PUDP: variants seen among roughly 807,000 people sequenced by gnomAD.
PUDP encodes pseudouridine 5'-phosphatase, also known as pseudouridine-5'-phosphatase.
Under a neutral mutation model 9.4 loss-of-function variants are expected in PUDP, and 8 were observed. The observed-to-expected ratio is 0.85, with a 90% CI of 0.50 to 1.53. The LOEUF is 1.53. Ranked by LOEUF, PUDP falls within the 40% of genes most tolerant of loss-of-function variation. The pLI is 0.00. For missense variants in PUDP, 188 were observed against 189.7 expected (o/e 0.99, Z 0.05); for synonymous variants, 99 against 80.7 (o/e 1.23, Z -1.22).
At chrX:6,791,651 G>A (rs1925751506) in intron 3 of PUDP, among the ~76,000 whole-genome samples, 1 of 111,465 alleles carries the variant, frequency 9.0e-6, no homozygotes, top group Non-Finnish European at 1.9e-5. Flanking sequence ...AAGGAATGCG[G>A]GATACTTGTA....
At chrX:7,000,712 A>T (rs1195200831) in intron 1 of PUDP, among the ~76,000 whole-genome samples, 1 of 109,177 alleles carries the variant, frequency 9.2e-6, no homozygotes, top group East Asian at 2.8e-4. Context: ...ATGAAGAAAA[A>T]GCATTTGATA....
chrX:6,733,354 G>T (rs906722040), intron 3 of PUDP, among the ~76,000 whole-genome samples: 9 of 111,769 alleles, frequency 8.1e-5, no homozygotes, highest in African/African-American at 2.9e-4. Context: ...CCAGGAATGG[G>T]AAGGAGGAGC....
intron 3 of PUDP, among the ~76,000 whole-genome samples, chrX:6,964,044 T>A (rs760479854): frequency 1.2e-4 from 13 of 112,251 alleles, no homozygotes; most frequent in Non-Finnish European, 2.1e-4. Context: ...CAGGGACTTT[T>A]TCTAGAAGCA....
At chrX:7,027,299 CAG>C (rs1177363601) in intron 1 of PUDP, among the ~76,000 whole-genome samples, 1 of 111,082 alleles carries the variant, frequency 9.0e-6, no homozygotes, top group African/African-American at 3.3e-5. Flanking sequence ...CTTCCACCTG[CAG>C]AAGTTGGCTC....
At chrX:6,938,145 AG>A (rs1315912993) in intron 3 of PUDP, among the ~76,000 whole-genome samples, 1 of 57,807 alleles carries the variant, frequency 1.7e-5, no homozygotes, top group Non-Finnish European at 3.1e-5. Context: ...ATATACCCAA[AG>A]GACTATAAAT....
At chrX:6,961,305 G>A (rs753633647) in intron 3 of PUDP, among the ~76,000 whole-genome samples, 1 of 110,486 alleles carries the variant, frequency 9.1e-6, no homozygotes, top group African/African-American at 3.3e-5. Flanking sequence ...AGTATCACCT[G>A]AGCCTGGGAT....
intron 3 of PUDP, among the ~76,000 whole-genome samples, chrX:6,728,973 T>G (rs1034074313): frequency 9.0e-6 from 1 of 111,288 alleles, no homozygotes; most frequent in Admixed American, 9.6e-5. Context: ...TTTTTTAGAA[T>G]GCCCTGCAAT....
chrX:6,893,278 A>G (rs1023875051), intron 3 of PUDP, among the ~76,000 whole-genome samples: 1 of 112,036 alleles, frequency 8.9e-6, no homozygotes, highest in Non-Finnish European at 1.9e-5. Flanking sequence ...TTTTGGAGGA[A>G]GAGAGAACCA....
intron 3 of PUDP, among the ~76,000 whole-genome samples, chrX:6,957,909 G>A (rs1194416321): frequency 8.9e-6 from 1 of 111,979 alleles, no homozygotes; most frequent in Non-Finnish European, 1.9e-5. Context: ...CCAGCACTTT[G>A]GAAGACCAAG....
At chrX:6,863,064 G>A in intron 3 of PUDP, among the ~76,000 whole-genome samples, 1 of 111,594 alleles carries the variant, frequency 9.0e-6, no homozygotes, top group Middle Eastern at 4.6e-3. Flanking sequence ...TTTTAGAGAA[G>A]GAGTCTGCTA....
chrX:7,034,632 A>G (rs1231189314), intron 1 of PUDP, among the ~76,000 whole-genome samples: 3 of 111,737 alleles, frequency 2.7e-5, no homozygotes, highest in African/African-American at 9.8e-5. Flanking sequence ...GTATGTATCT[A>G]TCTTCATCAT....
intron 2 of PUDP, among the ~76,000 whole-genome samples, chrX:7,095,906 C>A (rs1331921887): frequency 8.9e-6 from 1 of 112,078 alleles, no homozygotes; most frequent in Non-Finnish European, 1.9e-5. Flanking sequence ...TCAGTGTGGA[C>A]ATATGAAAAT....
intron 1 of PUDP, among the ~76,000 whole-genome samples, chrX:7,008,815 T>C (rs1929438293): frequency 8.9e-6 from 1 of 112,527 alleles, no homozygotes; most frequent in South Asian, 3.7e-4. Flanking sequence ...ACATTGAAAA[T>C]AGCATTTGGA....
intron 2 of PUDP, among the ~76,000 whole-genome samples, chrX:7,088,810 CTT>C (rs1931340396): frequency 1.8e-5 from 2 of 111,694 alleles, no homozygotes; most frequent in East Asian, 5.6e-4. Context: ...GTATAATGCC[CTT>C]TTAATAAGCA....
At chrX:6,778,077 A>G (rs1424969591) in intron 3 of PUDP, among the ~76,000 whole-genome samples, 1 of 112,140 alleles carries the variant, frequency 8.9e-6, no homozygotes, top group Non-Finnish European at 1.9e-5. Flanking sequence ...CGAGGCAGAT[A>G]AGAGAAGCTG....
At chrX:6,903,569 A>G (rs1434412960) in intron 3 of PUDP, among the ~76,000 whole-genome samples, 1 of 111,796 alleles carries the variant, frequency 8.9e-6, no homozygotes, top group Non-Finnish European at 1.9e-5. Flanking sequence ...CTAGATAAAG[A>G]AAATGTGGCA....
intron 1 of PUDP, among the ~76,000 whole-genome samples, chrX:6,980,451 G>A (rs763179823): frequency 9.0e-6 from 1 of 110,889 alleles, no homozygotes; most frequent in Non-Finnish European, 1.9e-5. Context: ...CTCAAGAGAT[G>A]CTCTCGCCTT....
intron 3 of PUDP, among the ~76,000 whole-genome samples, chrX:6,891,847 G>T (rs1927521450): frequency 8.9e-6 from 1 of 111,844 alleles, no homozygotes; most frequent in Non-Finnish European, 1.9e-5. Flanking sequence ...TACTCTCAGA[G>T]GTCCTATGGT....
chrX:7,059,232 C>A (rs1432520050), intron 3 of PUDP, among the ~76,000 whole-genome samples: 1 of 111,174 alleles, frequency 9.0e-6, no homozygotes, highest in Non-Finnish European at 1.9e-5. Context: ...TCTTAGCATG[C>A]ATATTAAAGT....
Sources: gnomAD v4.1 joint callset for allele counts (sites outside exome capture counted in the v4.1 genomes callset) on GRCh38, gnomAD v4.1.1 for gene constraint, MANE v1.5 for transcripts, NCBI Gene and HGNC (gene_info 2026-07-23, HGNC 2026-07-21) for gene names.